The following NOVA1 variants were observed in gnomAD, a reference collection of about 807,000 sequenced individuals.
The protein encoded by NOVA1 is NOVA alternative splicing regulator 1, also known as RNA-binding protein Nova-1.
A neutral mutation model predicts 38.0 loss-of-function variants in NOVA1; 7 were observed. The ratio of observed to expected loss-of-function variants is 0.18; its 90% CI spans 0.10 to 0.35. The LOEUF is 0.35. Among genes scored for constraint, NOVA1 ranks in the 10% least tolerant of loss-of-function variants. The probability of loss-of-function intolerance (pLI) is 1.00; values close to 1 mark genes in which losing one functional copy is unlikely to be tolerated. For missense variants in NOVA1, 460 were observed against 616.0 expected (o/e 0.75, Z 2.68); for synonymous variants, 270 against 232.5 (o/e 1.16, Z -1.47).
chr14:26,461,954 A>G (rs1373034979), intron 4 of NOVA1, among the ~76,000 whole-genome samples: 1 of 151,816 alleles, frequency 6.6e-6, no homozygotes, highest in Non-Finnish European at 1.5e-5. Flanking sequence ...AAACAAAAAC[A>G]AAAACATCCC....
At chr14:26,571,159 A>G (rs920286957) in intron 2 of NOVA1, among the ~76,000 whole-genome samples, 1 of 151,326 alleles carries the variant, frequency 6.6e-6, no homozygotes, top group African/African-American at 2.4e-5. Flanking sequence ...ATATATATAT[A>G]TGATGTTTAA....
intron 2 of NOVA1, chr14:26,549,879 GA>G: frequency 2.4e-6 from 1 of 411,436 alleles, no homozygotes; most frequent in South Asian, 1.9e-5. Context: ...TACATACAGG[GA>G]TGAAAAGTAC....
chr14:26,588,504 T>A (rs1173616641), intron 2 of NOVA1: 1 of 151,410 alleles, frequency 6.6e-6, no homozygotes, highest in Non-Finnish European at 1.5e-5. Flanking sequence ...AAAGAATCAA[T>A]GATGGAGTGG....
intron 4 of NOVA1, among the ~76,000 whole-genome samples, chr14:26,460,655 T>C (rs902675141): frequency 2.0e-5 from 3 of 151,900 alleles, no homozygotes; most frequent in Non-Finnish European, 4.4e-5. Flanking sequence ...TGATAAAAAA[T>C]TAGAAAAACT....
chr14:26,543,999 T>C (rs529296925), intron 2 of NOVA1, among the ~76,000 whole-genome samples: 23 of 151,962 alleles, frequency 1.5e-4, no homozygotes, highest in Admixed American at 2.6e-4. Flanking sequence ...ATCTAGAATA[T>C]AGGGCACTCA....
At chr14:26,532,577 G>C (rs1049607341) in intron 2 of NOVA1, among the ~76,000 whole-genome samples, 7 of 152,112 alleles carry the variant, frequency 4.6e-5, no homozygotes, top group African/African-American at 1.7e-4. Flanking sequence ...GTCTGGCAAG[G>C]GGCACAATGA....
chr14:26,523,677 T>A (rs951067202), intron 2 of NOVA1, among the ~76,000 whole-genome samples: 1 of 152,112 alleles, frequency 6.6e-6, no homozygotes, highest in Non-Finnish European at 1.5e-5. Context: ...GAAATTTGAA[T>A]TGCATATAAT....
At chr14:26,583,494 T>C (rs1291128563) in intron 2 of NOVA1, among the ~76,000 whole-genome samples, 3 of 151,556 alleles carry the variant, frequency 2.0e-5, no homozygotes, top group Non-Finnish European at 4.4e-5. Context: ...ATATTTTTAT[T>C]TTAAATCCCC....
intron 2 of NOVA1, among the ~76,000 whole-genome samples, chr14:26,503,039 G>A (rs1028817814): frequency 3.3e-5 from 5 of 151,984 alleles, no homozygotes; most frequent in Admixed American, 2.6e-4. Context: ...AATGTGTTAA[G>A]AGGATTCTTT....
intron 2 of NOVA1, among the ~76,000 whole-genome samples, chr14:26,548,175 A>G (rs1890922163): frequency 6.6e-6 from 1 of 152,100 alleles, no homozygotes; most frequent in African/African-American, 2.4e-5. Flanking sequence ...CACAAATAAT[A>G]TTCTAATTAG....
intron 2 of NOVA1, among the ~76,000 whole-genome samples, chr14:26,590,076 A>G (rs1007155371): frequency 6.6e-6 from 1 of 151,896 alleles, no homozygotes; most frequent in African/African-American, 2.4e-5. Flanking sequence ...TACCTGTAGT[A>G]TTCCAGTACT....
intron 2 of NOVA1, among the ~76,000 whole-genome samples, chr14:26,508,962 A>G (rs1028977078): frequency 6.6e-6 from 1 of 152,046 alleles, no homozygotes; most frequent in African/African-American, 2.4e-5. Context: ...AATATTAAAT[A>G]AAGGAAAGAA....
chr14:26,503,654 A>G (rs926132424), intron 2 of NOVA1, among the ~76,000 whole-genome samples: 3 of 152,066 alleles, frequency 2.0e-5, no homozygotes, highest in Non-Finnish European at 4.4e-5. Flanking sequence ...ACAAGCAAAC[A>G]ATTAGAAAAG....
chr14:26,488,840 T>A (rs555143737), intron 2 of NOVA1, among the ~76,000 whole-genome samples: 31 of 152,304 alleles, frequency 2.0e-4, no homozygotes, highest in African/African-American at 6.5e-4. Context: ...ATTTTTGCTA[T>A]GAGAAAAATG....
rs1020781860 is a variant in NOVA1 at position 26,597,926 on chromosome 14, AGAG to A, written c.-493_-491del. On this transcript the variant is annotated 5_prime_UTR_variant, in exon 1 of 5. Coordinates refer to ENST00000539517, the MANE Select transcript of NOVA1 (RefSeq NM_002515.3). The stretch of plus-strand genomic sequence containing the variant: ...GGATGCCGAGAGAGGAGCGAGCGGC[AGAG>A]GAGGGCAGGAGCCGGGAAGGAGCGC... Among the ~76,000 whole-genome samples, 9 of 151,228 alleles carry A rather than the reference AGAG, an allele frequency of 6.0e-5. No homozygotes were observed. Among genetic ancestry groups the A allele is most frequent in the Non-Finnish European group, 1.0e-4 (7 of 67,784 alleles).
chr14:26,597,230 GACGGC>G, intron 1 of NOVA1, 66 bp downstream of exon 1: 1 of 1,159,516 alleles, frequency 8.6e-7, no homozygotes. Context: ...AGGGAGGGAG[GACGGC>G]GAGGGAGGGA....
chr14:26,546,347 C>T (rs575854857), intron 2 of NOVA1, among the ~76,000 whole-genome samples: 17 of 151,942 alleles, frequency 1.1e-4, no homozygotes, highest in African/African-American at 3.9e-4. Flanking sequence ...GAAGGTGTTT[C>T]GTCTCTCTAA....
intron 2 of NOVA1, among the ~76,000 whole-genome samples, chr14:26,498,015 T>C (rs1886945084): frequency 6.6e-6 from 1 of 152,180 alleles, no homozygotes; most frequent in South Asian, 2.1e-4. Flanking sequence ...AATGTAGAAA[T>C]TCTGAAATAC....
chr14:26,470,498 C>T, intron 4 of NOVA1: 2 of 1,534,908 alleles, frequency 1.3e-6, no homozygotes, highest in Non-Finnish European at 1.8e-6. Flanking sequence ...CTTCTTTGTA[C>T]AAGAACAGAA....
Sources: allele counts gnomAD v4.1 joint callset (sites outside exome capture counted in the v4.1 genomes callset), GRCh38; gene constraint gnomAD v4.1.1; transcripts MANE v1.5; gene names NCBI Gene and HGNC (gene_info 2026-07-23, HGNC 2026-07-21).